The following TMEM185B variants were observed in gnomAD, a reference collection of about 807,000 sequenced individuals.
TMEM185B encodes transmembrane protein 185B.
A neutral mutation model predicts 26.2 loss-of-function variants in TMEM185B; 9 were observed. The observed-to-expected ratio is 0.34, with a 90% CI of 0.21 to 0.60. The LOEUF is 0.60. TMEM185B is among the 20% of genes least tolerant of loss of function. The pLI, the probability that TMEM185B is intolerant of heterozygous loss-of-function variation, is 0.80. For missense variants in TMEM185B, 392 were observed against 447.9 expected (o/e 0.88, Z 1.13); for synonymous variants, 204 against 191.8 (o/e 1.06, Z -0.52).
chr2:120,220,040 C>T lies in TMEM185B; in HGVS notation c.*1884G>A, dbSNP rs980569154. On this transcript the variant is annotated 3_prime_UTR_variant, in exon 1 of 1. Coordinates refer to ENST00000426077, the MANE Select transcript of TMEM185B (RefSeq NM_024121.3). ...AGACAGAGCGAGCTCCCTCAGACAG[C>T]GAGCTCAATCCCAGCCAACTAAGCC... Among the ~76,000 whole-genome samples, 3 of 152,228 alleles carry T rather than the reference C, an allele frequency of 2.0e-5. No individual in the cohort carries two copies. The highest frequency in any genetic ancestry group is 4.8e-5 in the African/African-American group (2 of 41,460).
In TMEM185B at chr2:120,223,341, A is replaced by C; in HGVS notation, c.-365T>G. The C allele has an allele frequency of 6.0e-6, 1 of 167,674 alleles. No individual in the cohort carries two copies. 10.4% of individuals were successfully genotyped at this position (167,674 alleles called of 1,614,324 possible). On this transcript the variant is annotated 5_prime_UTR_variant, in exon 1 of 1. Coordinates refer to ENST00000426077, the MANE Select transcript of TMEM185B (RefSeq NM_024121.3). ...GGCCTGGCGCGCTGCTGACTCCCCAAGCGGCCCGCGACCTTGGGCGGACGC... is the reference window on the plus strand; with the variant it reads ...GGCCTGGCGCGCTGCTGACTCCCCACGCGGCCCGCGACCTTGGGCGGACGC...
Position 120,219,194 on chromosome 2 carries a change from A to G in TMEM185B, c.*2730T>C, listed in dbSNP as rs1053425432. 2.6e-5 allele frequency among the ~76,000 whole-genome samples: 4 copies of G among 152,186 alleles called. No homozygotes were observed. The highest frequency in any genetic ancestry group is 5.9e-5 in the Non-Finnish European group (4 of 68,028). Reference sequence around the variant, plus strand: ...TAGTTGTAGACCACTGAGATTTCTGATGCTGTTTTGCAGCAAAAGCTGACT... The same window carrying G: ...TAGTTGTAGACCACTGAGATTTCTGGTGCTGTTTTGCAGCAAAAGCTGACT... On this transcript the variant is annotated 3_prime_UTR_variant, in exon 1 of 1. Transcript: ENST00000426077.
rs1272482276 is a variant in TMEM185B, at chr2:120,222,784, A to G, written c.193T>C (p.Trp65Arg). 2 of 1,534,710 alleles carry G rather than the reference A, an allele frequency of 1.3e-6. No individual in the cohort carries two copies. Among genetic ancestry groups the G allele is most frequent in the South Asian group, 2.4e-5 (2 of 84,020 alleles). ...GTGCGGTAGCGAGGGTTGCGGGCCC[A>G]AACGCCCGCGCCCACGGAGGCGCCT... ...VAGASVGAGV[W>R]ARNPRYRTEG... Residue 65 changes from tryptophan to arginine, a missense_variant, in exon 1 of 1, where the codon TGG becomes CGG. Physicochemically the swap from Trp to Arg is moderately radical, Grantham distance 101. Around this residue, in one of 3 missense-constraint regions of TMEM185B, gnomAD observed 175 missense variants for 169.1 expected, o/e 1.03. Transcript: ENST00000426077.
Position 120,222,350 on chromosome 2 carries a change from T to C in TMEM185B, c.627A>G (p.Thr209=), listed in dbSNP as rs748140726. ...TCCAACTGATAGCCATGGTCACGTG[T>C]GTTCTCCGCTGCTCGGCAACCACAT... is the stretch of plus-strand genomic sequence containing the variant. ...SLDVVAEQRR[T]HVTMAISWIT... is the part of the protein sequence containing the mutation. Residue 209 remains threonine (T), a synonymous_variant, in exon 1 of 1, where the codon ACA becomes ACG. Transcript: ENST00000426077. 6.5e-7 allele frequency: 1 copy of C among 1,536,102 alleles called. No individual in the cohort carries two copies. The highest frequency in any genetic ancestry group is 1.4e-5 in the African/African-American group (1 of 73,114).
rs988267987 is a variant in TMEM185B at position 120,218,785 on chromosome 2, T to C, written c.*3139A>G. Among the ~76,000 whole-genome samples the C allele has an allele frequency of 6.6e-6, 1 of 152,252 alleles. No individual in the cohort carries two copies. Among genetic ancestry groups the C allele is most frequent in the Non-Finnish European group, 1.5e-5 (1 of 68,046 alleles). On this transcript the variant is annotated 3_prime_UTR_variant, in exon 1 of 1. Transcript: ENST00000426077. ...GCTTTTAAAAATTTCAGGATATTCGTAAAGCACACGGGAAACAAATCATGG... is the reference window on the plus strand; with the variant it reads ...GCTTTTAAAAATTTCAGGATATTCGCAAAGCACACGGGAAACAAATCATGG...
Position 120,220,562 on chromosome 2 carries a change from C to T in TMEM185B, c.*1362G>A, listed in dbSNP as rs1688569777. Among the ~76,000 whole-genome samples, 1 of 152,170 alleles carries T rather than the reference C, an allele frequency of 6.6e-6. No homozygotes were observed. The highest frequency in any genetic ancestry group is 2.1e-4 in the South Asian group (1 of 4,830). ...CCTGACCAACATGGAGAAACCCTGT[C>T]TCTATTAAAAATACGAAATTAGCCA... On this transcript the variant is annotated 3_prime_UTR_variant, in exon 1 of 1. Transcript: ENST00000426077.
rs766808571 is a variant in TMEM185B, at chr2:120,221,952, G to C, written c.1025C>G (p.Pro342Arg). Residue 342 changes from proline to arginine, a missense_variant, in exon 1 of 1, where the codon CCC (proline) becomes CGC (arginine). Pro to Arg is a moderately radical substitution (Grantham distance 103). Coordinates refer to ENST00000426077, the MANE Select transcript of TMEM185B (RefSeq NM_024121.3). ...QSPGKYVPPP[P>R]KLNIDMPD ...ATCTGGCATATCAATATTTAACTTG[G>C]GAGGGGGGGGAACGTATTTCCCAGG... 6.5e-7 allele frequency: 1 copy of C among 1,533,778 alleles called. No homozygotes were observed. Among genetic ancestry groups the C allele is most frequent in the South Asian group, 1.2e-5 (1 of 83,540 alleles).
At position 120,222,332 on chromosome 2, in the gene TMEM185B, G is replaced by A; in HGVS notation, c.645C>T (p.Ile215=). The A allele has an allele frequency of 5.9e-6, 9 of 1,536,172 alleles. No homozygotes were observed. The highest frequency in any genetic ancestry group is 7.8e-6 in the Non-Finnish European group (9 of 1,146,926). ...EQRRTHVTMA[I]SWITIVVPLL... is the part of the protein sequence containing the mutation. Reference sequence around the variant, plus strand: ...GAGGCACGACAATCGTTATCCAACTGATAGCCATGGTCACGTGTGTTCTCC... The same window carrying A: ...GAGGCACGACAATCGTTATCCAACTAATAGCCATGGTCACGTGTGTTCTCC... Residue 215 remains isoleucine (I), a synonymous_variant, in exon 1 of 1, where the codon ATC becomes ATT. Coordinates refer to ENST00000426077, the MANE Select transcript of TMEM185B (RefSeq NM_024121.3).
In TMEM185B at chr2:120,220,505, C is replaced by T. The variant is rs1688569015; in HGVS notation, c.*1419G>A. 6.6e-6 allele frequency among the ~76,000 whole-genome samples: 1 copy of T among 152,226 alleles called. No individual in the cohort carries two copies. The highest frequency in any genetic ancestry group is 6.5e-5 in the Admixed American group (1 of 15,288). On this transcript the variant is annotated 3_prime_UTR_variant, in exon 1 of 1. Coordinates refer to ENST00000426077, the MANE Select transcript of TMEM185B (RefSeq NM_024121.3). ...CAGCACTTTGGGAGGCCAAGGCGGG[C>T]AGATCACCTCAAGTCAGGAGTTTGA...
At position 120,222,458 on chromosome 2, in the gene TMEM185B, C is replaced by A. The variant is rs1688605314; in HGVS notation, c.519G>T (p.Val173=). 3 of 1,536,166 alleles carry A rather than the reference C, an allele frequency of 2.0e-6. No homozygotes were observed. The highest frequency in any genetic ancestry group is 2.7e-5 in the African/African-American group (2 of 73,152). ...GGAACGACATGAGGATCCACAGGGG[C>A]ACAAACACCACCAGCCACGGCCAGT... ...IIHWPWLVVF[V]PLWILMSFLC... The change falls in exon 1 of 1, where the codon GTG becomes GTT. Residue 173 remains valine, a synonymous_variant. Transcript: ENST00000426077.
At position 120,222,046 on chromosome 2, in the gene TMEM185B, A is replaced by C; in HGVS notation, c.931T>G (p.Ser311Ala). 1 of 1,546,174 alleles carries C rather than the reference A, an allele frequency of 6.5e-7. No individual in the cohort carries two copies. Among genetic ancestry groups the C allele is most frequent in the East Asian group, 2.4e-5 (1 of 40,922 alleles). ...HEDSEDAEET[S>A]VPEAPKIAPI... is the part of the protein sequence containing the mutation. ...GCAATTTTCGGAGCTTCTGGAACTG[A>C]TGTTTCTTCAGCATCTTCACTATCT... The change falls in exon 1 of 1, where the codon TCA (serine) becomes GCA (alanine). Residue 311 changes from serine (S) to alanine (A), a missense_variant. This residue lies in a region of TMEM185B where 176 missense variants were observed against 201.6 expected (regional missense o/e 0.87). Transcript: ENST00000426077.
Position 120,222,036 on chromosome 2 carries a change from T to A in TMEM185B, c.941A>T (p.Glu314Val). 1 of 1,544,968 alleles carries A rather than the reference T, an allele frequency of 6.5e-7. No individual in the cohort carries two copies. The highest frequency in any genetic ancestry group is 8.7e-7 in the Non-Finnish European group (1 of 1,146,970). ...SEDAEETSVP[E>V]APKIAPIFGK... ...AAATATTGGAGCAATTTTCGGAGCT[T>A]CTGGAACTGATGTTTCTTCAGCATC... The change falls in exon 1 of 1, where the codon GAA (glutamate) becomes GTA (valine). Residue 314 changes from glutamate to valine, a missense_variant. Physicochemically the swap from Glu to Val is moderately radical, Grantham distance 121. Around this residue, in one of 3 missense-constraint regions of TMEM185B, gnomAD observed 176 missense variants for 201.6 expected, o/e 0.87. Coordinates refer to ENST00000426077, the MANE Select transcript of TMEM185B (RefSeq NM_024121.3).
chr2:120,222,500 C>A lies in TMEM185B; in HGVS notation c.477G>T (p.Lys159Asn), dbSNP rs1353547088. ...ACGGCCAGTGAATAATCCTGTCCAG[C>A]TTTAGGGCGATGAAGATGAACTGCA... ...NILQFIFIAL[K>N]LDRIIHWPWL... The change falls in exon 1 of 1, where the codon AAG (lysine) becomes AAT (asparagine). Residue 159 changes from lysine (K) to asparagine (N), a missense_variant. Around this residue, in one of 3 missense-constraint regions of TMEM185B, gnomAD observed 41 missense variants for 77.3 expected, o/e 0.53. Transcript: ENST00000426077. The A allele has an allele frequency of 6.5e-7, 1 of 1,536,250 alleles. No homozygotes were observed. The highest frequency in any genetic ancestry group is 1.2e-5 in the South Asian group (1 of 84,062).
In TMEM185B at chr2:120,218,842, G is replaced by T. The variant is rs537795262; in HGVS notation, c.*3082C>A. ...TGCCACACATTTTGCGACTCCTTGA[G>T]AACCATTTTGTAATACTGAGGTCAC... is the stretch of plus-strand genomic sequence containing the variant. On this transcript the variant is annotated 3_prime_UTR_variant, in exon 1 of 1. Transcript: ENST00000426077. 6.6e-6 allele frequency among the ~76,000 whole-genome samples: 1 copy of T among 152,358 alleles called. No individual in the cohort carries two copies. Among genetic ancestry groups the T allele is most frequent in the South Asian group, 2.1e-4 (1 of 4,830 alleles).
chr2:120,222,565 T>C lies in TMEM185B; in HGVS notation c.412A>G (p.Arg138Gly). The change falls in exon 1 of 1, where the codon AGG (arginine) becomes GGG (glycine). Residue 138 changes from arginine (R) to glycine (G), a missense_variant. By Grantham distance (125) the Arg-to-Gly change is moderately radical (BLOSUM62 -2). Around this residue, in one of 3 missense-constraint regions of TMEM185B, gnomAD observed 41 missense variants for 77.3 expected, o/e 0.53. Coordinates refer to ENST00000426077, the MANE Select transcript of TMEM185B (RefSeq NM_024121.3). ...CACAGGATCTCCAGCTCCAGCGACC[T>C]ATCGTGTCGAAAGCCCCAGACGCAG... ...AACVWGFRHD[R>G]SLELEILCSV... 1 of 1,536,412 alleles carries C rather than the reference T, an allele frequency of 6.5e-7. No homozygotes were observed. Among genetic ancestry groups the C allele is most frequent in the Non-Finnish European group, 8.7e-7 (1 of 1,146,994 alleles).
chr2:120,223,244 C>T lies in TMEM185B; in HGVS notation c.-268G>A, dbSNP rs1688627220. ...GCGGCGGTTACAAACTGGGCGCTGCCTCGGTCCCGCCGCCGCCCGCGTTCA... is the reference window on the plus strand; with the variant it reads ...GCGGCGGTTACAAACTGGGCGCTGCTTCGGTCCCGCCGCCGCCCGCGTTCA... On this transcript the variant is annotated 5_prime_UTR_variant, in exon 1 of 1. Coordinates refer to ENST00000426077, the MANE Select transcript of TMEM185B (RefSeq NM_024121.3). The T allele has an allele frequency of 3.6e-6, 1 of 277,054 alleles. No individual in the cohort carries two copies. Among genetic ancestry groups the T allele is most frequent in the South Asian group, 1.6e-4 (1 of 6,146 alleles). 17.2% of individuals were successfully genotyped at this position (277,054 alleles called of 1,614,324 possible). A position where few individuals can be genotyped will look rare whatever the true frequency, so the allele number is the denominator to read the frequency against.
Position 120,221,896 on chromosome 2 carries a change from T to C in TMEM185B, c.*28A>G. The C allele has an allele frequency of 6.8e-7, 1 of 1,470,464 alleles. No individual in the cohort carries two copies. The highest frequency in any genetic ancestry group is 9.0e-7 in the Non-Finnish European group (1 of 1,113,610). 91.1% of individuals were successfully genotyped at this position (1,470,464 alleles called of 1,614,324 possible). A position where few individuals can be genotyped will look rare whatever the true frequency, so the allele number is the denominator to read the frequency against. ...CAAGAGGCGAAGGCCAAGTGGAGTC[T>C]GTGTGTGCCTGGGTCCTCTCTAGGA... is the stretch of plus-strand genomic sequence containing the variant. On this transcript the variant is annotated 3_prime_UTR_variant, in exon 1 of 1. Coordinates refer to ENST00000426077, the MANE Select transcript of TMEM185B (RefSeq NM_024121.3).
In TMEM185B at chr2:120,219,463, G is replaced by A. The variant is rs764205202; in HGVS notation, c.*2461C>T. 1.1e-4 allele frequency among the ~76,000 whole-genome samples: 17 copies of A among 152,216 alleles called. No homozygotes were observed. The highest frequency in any genetic ancestry group is 2.6e-4 in the Admixed American group (4 of 15,286). On this transcript the variant is annotated 3_prime_UTR_variant, in exon 1 of 1. Coordinates refer to ENST00000426077, the MANE Select transcript of TMEM185B (RefSeq NM_024121.3). Reference sequence around the variant, plus strand: ...TCCAACACCAGATAGCTTGGGGGAAGAGGAAGTTAAGATGGGCTGGGGGGT... The same window carrying A: ...TCCAACACCAGATAGCTTGGGGGAAAAGGAAGTTAAGATGGGCTGGGGGGT...
chr2:120,223,011 C>G lies in TMEM185B; in HGVS notation c.-35G>C. The stretch of plus-strand genomic sequence containing the variant: ...CGCCGCTTGCCTGCCCGGGCCTGCT[C>G]CCTCGCGACGCTCGGCGCTCGCGTC... On this transcript the variant is annotated 5_prime_UTR_variant, in exon 1 of 1. Transcript: ENST00000426077. 7.4e-7 allele frequency: 1 copy of G among 1,347,766 alleles called. No homozygotes were observed. Among genetic ancestry groups the G allele is most frequent in the Non-Finnish European group, 9.5e-7 (1 of 1,050,022 alleles). 83.5% of individuals were successfully genotyped at this position (1,347,766 alleles called of 1,614,324 possible).
Sources: allele counts gnomAD v4.1 joint callset (sites outside exome capture counted in the v4.1 genomes callset), GRCh38; gene constraint gnomAD v4.1.1; regional missense constraint gnomAD v4.1.1; transcripts MANE v1.5; gene names NCBI Gene and HGNC (gene_info 2026-07-23, HGNC 2026-07-21).